PCLO: variants seen among roughly 807,000 people sequenced by gnomAD.
PCLO encodes the protein protein piccolo.
PCLO carries 82 observed loss-of-function variants against 427.5 expected under a neutral mutation model. The observed-to-expected ratio is 0.19, with a 90% CI of 0.16 to 0.23. The LOEUF (loss-of-function observed/expected upper bound fraction) is 0.23. PCLO is among the 10% of genes least tolerant of loss of function. The probability of loss-of-function intolerance (pLI) is 1.00; values close to 1 mark genes in which losing one functional copy is unlikely to be tolerated. For missense variants in PCLO, 6,239 were observed against 6,115.9 expected (o/e 1.02, Z -0.67); for synonymous variants, 2,357 against 2,155.4 (o/e 1.09, Z -2.59).
chr7:82,765,333 CA>C (rs752902221), intron 22 of PCLO, among the ~76,000 whole-genome samples: 15 of 151,390 alleles, frequency 9.9e-5, no homozygotes, highest in Non-Finnish European at 2.2e-4. Flanking sequence ...AATTCCAACT[CA>C]AAATCTAGAA....
intron 16 of PCLO, among the ~76,000 whole-genome samples, chr7:82,830,047 CAT>C (rs947256670): frequency 1.6e-4 from 24 of 151,716 alleles, no homozygotes; most frequent in African/African-American, 5.5e-4. Flanking sequence ...ATATGACATA[CAT>C]ATATATTAAT....
chr7:82,929,735 A>G (rs535108364), intron 6 of PCLO, among the ~76,000 whole-genome samples: 2 of 152,290 alleles, frequency 1.3e-5, no homozygotes, highest in African/African-American at 2.4e-5. Flanking sequence ...TCTAGGAAGT[A>G]TGTTCAAAAA....
In PCLO at chr7:83,134,437, G is replaced by A; in HGVS notation, c.3113C>T (p.Ala1038Val). The change falls in exon 3 of 25, where the codon GCT (alanine) becomes GTT (valine). Residue 1038 changes from alanine (A) to valine (V), a missense_variant. This residue lies in a region of PCLO where 4,677 missense variants were observed against 4,468.4 expected (regional missense o/e 1.05). Transcript: ENST00000333891. ...PPIKDSKSLT[A>V]EPQKAVLPTK... ...GGGAAGGACAGCCTTTTGAGGCTCA[G>A]CTGTTAAAGATTTGCTATCCTTAAT... 2 of 1,613,834 alleles carry A rather than the reference G, an allele frequency of 1.2e-6. No homozygotes were observed. The highest frequency in any genetic ancestry group is 1.7e-6 in the Non-Finnish European group (2 of 1,179,832).
At chr7:82,794,422 C>A (rs1409782776) in intron 22 of PCLO, among the ~76,000 whole-genome samples, 1 of 137,470 alleles carries the variant, frequency 7.3e-6, no homozygotes, top group Non-Finnish European at 1.6e-5. Flanking sequence ...CAGTGAAAAG[C>A]CATTGTTACT....
chr7:83,089,794 C>T (rs568176194), intron 3 of PCLO, among the ~76,000 whole-genome samples: 2 of 152,146 alleles, frequency 1.3e-5, no homozygotes, highest in Admixed American at 6.5e-5. Flanking sequence ...CAGGGTACTA[C>T]ATCATGTCTT....
chr7:82,930,330 G>C (rs1320948904), intron 6 of PCLO, among the ~76,000 whole-genome samples: 1 of 152,158 alleles, frequency 6.6e-6, no homozygotes, highest in Non-Finnish European at 1.5e-5. Flanking sequence ...GGAAACTACA[G>C]AGTGATATAA....
chr7:82,959,192 G>A (rs1488729104), intron 4 of PCLO, among the ~76,000 whole-genome samples: 4 of 151,960 alleles, frequency 2.6e-5, no homozygotes, highest in African/African-American at 9.7e-5. Context: ...TCAGCCTCCC[G>A]AGTAGCTGGG....
chr7:83,148,786 T>C (rs1360451978), intron 2 of PCLO, among the ~76,000 whole-genome samples: 1 of 152,222 alleles, frequency 6.6e-6, no homozygotes, highest in African/African-American at 2.4e-5. Context: ...TGCCATGTTA[T>C]TGCTAAAATG....
At chr7:83,020,672 A>T (rs1788321425) in intron 3 of PCLO, among the ~76,000 whole-genome samples, 1 of 152,216 alleles carries the variant, frequency 6.6e-6, no homozygotes, top group African/African-American at 2.4e-5. Context: ...GTTGTTTATA[A>T]ATTACCCAGT....
chr7:82,796,106 G>A (rs1370671459), intron 22 of PCLO, among the ~76,000 whole-genome samples: 1 of 152,128 alleles, frequency 6.6e-6, no homozygotes, highest in Admixed American at 6.6e-5. Flanking sequence ...ACCCAAGATC[G>A]CTTCCAGAAA....
intron 9 of PCLO, among the ~76,000 whole-genome samples, chr7:82,891,853 A>T (rs190419496): frequency 6.6e-6 from 1 of 152,126 alleles, no homozygotes; most frequent in East Asian, 1.9e-4. Context: ...TAGGAATCCA[A>T]CTCACAAGGG....
In PCLO at chr7:82,856,368, A is replaced by G. The variant is rs182549109; in HGVS notation, c.13655-9121T>C. On this transcript the variant is annotated intron_variant, in intron 10 of 24. Coordinates refer to ENST00000333891, the MANE Select transcript of PCLO (RefSeq NM_033026.6). ...CATGATTTGTGGACCAACCTGTTAGAAGATTATCATGATAAGATTCGATTT... is the reference window on the plus strand; with the variant it reads ...CATGATTTGTGGACCAACCTGTTAGGAGATTATCATGATAAGATTCGATTT... Among the ~76,000 whole-genome samples, 151 of 152,318 alleles carry G rather than the reference A, an allele frequency of 9.9e-4. 1 individual carries two copies. Among genetic ancestry groups the G allele is most frequent in the East Asian group, 6.8e-3 (35 of 5,182 alleles).
chr7:83,030,377 A>T (rs1788636739), intron 3 of PCLO, among the ~76,000 whole-genome samples: 1 of 152,322 alleles, frequency 6.6e-6, no homozygotes, highest in East Asian at 1.9e-4. Context: ...AGGACAGTAG[A>T]TATATTAGAC....
In PCLO at chr7:82,838,436, T is replaced by G. The variant is rs542761579; in HGVS notation, c.14098-94A>C. 104 of 718,146 alleles carry G rather than the reference T, an allele frequency of 1.4e-4. No individual in the cohort carries two copies. The South Asian group carries it at 2.1e-3, about 14-fold the overall frequency. The allele number at this position is 718,146 out of a possible 1,614,324, so 44.5% of individuals were successfully genotyped here. A position where few individuals can be genotyped will look rare whatever the true frequency, so the allele number is the denominator to read the frequency against. The stretch of plus-strand genomic sequence containing the variant: ...TAGTTTTTTTTAAAGAAAATTCTTA[T>G]AAGAAGCATCAACTTTCATTTTCAT... On this transcript the variant is annotated intron_variant, in intron 14 of 24. Coordinates refer to ENST00000333891, the MANE Select transcript of PCLO (RefSeq NM_033026.6).
chr7:82,962,613 T>G (rs955625131), intron 4 of PCLO, among the ~76,000 whole-genome samples: 1 of 151,984 alleles, frequency 6.6e-6, no homozygotes, highest in Admixed American at 6.6e-5. Context: ...TTGTGAACCC[T>G]CAAGGAAAAA....
chr7:82,872,551 G>A (rs1267288382), intron 10 of PCLO, among the ~76,000 whole-genome samples: 2 of 151,938 alleles, frequency 1.3e-5, no homozygotes, highest in Admixed American at 1.3e-4. Flanking sequence ...AAACAAACTA[G>A]TTGAAGAAGC....
intron 20 of PCLO, among the ~76,000 whole-genome samples, chr7:82,814,543 A>G (rs1254955024): frequency 1.3e-5 from 2 of 151,384 alleles, no homozygotes; most frequent in African/African-American, 4.8e-5. Flanking sequence ...AAGCTGGACA[A>G]CAAGCTTAAA....
chr7:83,062,955 T>A (rs1311622708), intron 3 of PCLO, among the ~76,000 whole-genome samples: 1 of 152,092 alleles, frequency 6.6e-6, no homozygotes, highest in African/African-American at 2.4e-5. Flanking sequence ...TTCACATATA[T>A]AACTGCTATA....
intron 7 of PCLO, among the ~76,000 whole-genome samples, chr7:82,911,516 A>G (rs1206323668): frequency 6.6e-6 from 1 of 152,106 alleles, no homozygotes; most frequent in Non-Finnish European, 1.5e-5. Flanking sequence ...TGGATCTAGT[A>G]CTGTCCGCAG....
Sources: gnomAD v4.1 joint callset for allele counts (sites outside exome capture counted in the v4.1 genomes callset) on GRCh38, gnomAD v4.1.1 for gene constraint, gnomAD v4.1.1 regional missense constraint, MANE v1.5 for transcripts, NCBI Gene and HGNC (gene_info 2026-07-23, HGNC 2026-07-21) for gene names.